The following CAT variants were observed in gnomAD, a reference collection of about 807,000 sequenced individuals.
CAT encodes epididymis secretory sperm binding protein.
A neutral mutation model predicts 59.0 loss-of-function variants in CAT; 43 were observed. The observed-to-expected ratio is 0.73, with a 90% CI of 0.57 to 0.94. The LOEUF (loss-of-function observed/expected upper bound fraction) is 0.94. Ranked by LOEUF, CAT falls within the 40% of genes least tolerant of loss-of-function variation. CAT has a pLI of 0.00. For missense variants in CAT, 664 were observed against 682.9 expected, an observed-to-expected ratio of 0.97 and a Z score of 0.31; for synonymous variants, 218 against 230.9, an observed-to-expected ratio of 0.94 and a Z score of 0.51.
intron 1 of CAT, among the ~76,000 whole-genome samples, chr11:34,442,582 C>A (rs1856404126): frequency 6.6e-6 from 1 of 152,102 alleles, no homozygotes; most frequent in Non-Finnish European, 1.5e-5. Context: ...GCCTGGGCAA[C>A]AAGAGTGAAA....
rs574208281 is a variant in CAT at position 34,453,920 on chromosome 11, T to C, written c.705T>C (p.His235=). Reference sequence around the variant, plus strand: ...GGGAGGCAGTTTATTGCAAATTCCATTATAAGGTATGTGTTACCTTTGGGG... The same window carrying C: ...GGGAGGCAGTTTATTGCAAATTCCACTATAAGGTATGTGTTACCTTTGGGG... ...ANGEAVYCKF[H]YKTDQGIKNL... The change falls in exon 6 of 13, where the codon CAT becomes CAC. Residue 235 remains histidine (H), a synonymous_variant. Transcript: ENST00000241052. 1.2e-6 allele frequency: 2 copies of C among 1,613,888 alleles called. No individual in the cohort carries two copies. Among genetic ancestry groups the C allele is most frequent in the Non-Finnish European group, 1.7e-6 (2 of 1,179,806 alleles).
intron 1 of CAT, among the ~76,000 whole-genome samples, chr11:34,442,104 A>G (rs547930698): frequency 1.4e-4 from 21 of 152,350 alleles, no homozygotes; most frequent in African/African-American, 5.0e-4. Flanking sequence ...CTGATGACTA[A>G]TGATGCAAAG....
intron 1 of CAT, among the ~76,000 whole-genome samples, chr11:34,444,614 C>A (rs1299650081): frequency 6.6e-6 from 1 of 152,182 alleles, no homozygotes; most frequent in African/African-American, 2.4e-5. Context: ...GAAAAGACGT[C>A]ATTATGACTC....
rs35677492 is a variant in CAT at position 34,471,409 on chromosome 11, G to T, written c.1560G>T (p.Ala520=). 6.2e-7 allele frequency: 1 copy of T among 1,613,930 alleles called. No individual in the cohort carries two copies. Among genetic ancestry groups the T allele is most frequent in the South Asian group, 1.1e-5 (1 of 91,068 alleles). Residue 520 remains alanine (A), a synonymous_variant, in exon 13 of 13, where the codon GCG becomes GCT. Coordinates refer to ENST00000241052, the MANE Select transcript of CAT (RefSeq NM_001752.4). ...HTFVQSGSHL[A]AREKANL is the part of the protein sequence containing the mutation. ...TTGTGCAGTCCGGATCTCACTTGGCGGCAAGGGAGAAGGCAAATCTGTGAG... is the reference window on the plus strand; with the variant it reads ...TTGTGCAGTCCGGATCTCACTTGGCTGCAAGGGAGAAGGCAAATCTGTGAG...
At chr11:34,468,416 G>C (rs1442737180) in intron 11 of CAT, 21 bp downstream of exon 11, 1 of 1,530,152 alleles carries the variant, frequency 6.5e-7, no homozygotes, top group East Asian at 2.2e-5. Flanking sequence ...GTAAGCTGAA[G>C]GGTGTCCTCT....
At position 34,471,638 on chromosome 11, in the gene CAT, T is replaced by A; in HGVS notation, c.*205T>A. On this transcript the variant is annotated 3_prime_UTR_variant, in exon 13 of 13. Coordinates refer to ENST00000241052, the MANE Select transcript of CAT (RefSeq NM_001752.4). ...TGAAGGTTAGGATTTAACAGTCATT[T>A]AAAAAAAAAATTTGTTTTGACGGAT... 3.7e-6 allele frequency: 2 copies of A among 547,100 alleles called. No individual in the cohort carries two copies. The highest frequency in any genetic ancestry group is 2.2e-5 in the South Asian group (1 of 46,074). The allele number at this position is 547,100 out of a possible 1,614,324, so 33.9% of individuals were successfully genotyped here.
chr11:34,447,620 G>C (rs998384801), intron 1 of CAT, among the ~76,000 whole-genome samples: 4 of 152,192 alleles, frequency 2.6e-5, no homozygotes, highest in African/African-American at 9.7e-5. Context: ...AGAGATGGTA[G>C]AGTGAGAGAG....
chr11:34,471,487 C>T lies in CAT; in HGVS notation c.*54C>T. The T allele has an allele frequency of 5.6e-6, 8 of 1,431,084 alleles. No homozygotes were observed. The highest frequency in any genetic ancestry group is 7.9e-6 in the Non-Finnish European group (8 of 1,013,036). The allele number at this position is 1,431,084 out of a possible 1,614,324, so 88.6% of individuals were successfully genotyped here. A position where few individuals can be genotyped will look rare whatever the true frequency, so the allele number is the denominator to read the frequency against. On this transcript the variant is annotated 3_prime_UTR_variant, in exon 13 of 13. Coordinates refer to ENST00000241052, the MANE Select transcript of CAT (RefSeq NM_001752.4). ...GCTTAGCGTTCATCCGTGTAACCCG[C>T]TCATCACTGGATGAAGATTCTCCTG... is the stretch of plus-strand genomic sequence containing the variant.
At chr11:34,461,697 C>T (rs748771501) in intron 9 of CAT, among the ~76,000 whole-genome samples, 44 of 152,202 alleles carry the variant, frequency 2.9e-4, no homozygotes, top group Non-Finnish European at 4.8e-4. Context: ...CAGTAACATC[C>T]AGCTTGGGAG....
At position 34,438,977 on chromosome 11, in the gene CAT, G is replaced by C; in HGVS notation, c.-37G>C. The C allele has an allele frequency of 1.9e-6, 3 of 1,551,742 alleles. No individual in the cohort carries two copies. The highest frequency in any genetic ancestry group is 1.2e-5 in the South Asian group (1 of 84,996). On this transcript the variant is annotated 5_prime_UTR_variant, in exon 1 of 13. Coordinates refer to ENST00000241052, the MANE Select transcript of CAT (RefSeq NM_001752.4). ...CTGAGGGTGGAGACCCACGAGCCGA[G>C]GCCTCCTGCAGTGTTCTGCACAGCA... is the stretch of plus-strand genomic sequence containing the variant.
intron 10 of CAT, among the ~76,000 whole-genome samples, chr11:34,465,329 A>G (rs1446023586): frequency 6.6e-6 from 1 of 152,234 alleles, no homozygotes; most frequent in East Asian, 1.9e-4. Flanking sequence ...ACGTATATAC[A>G]TATATACGTA....
At chr11:34,456,459 T>G (rs1156254949) in intron 7 of CAT, among the ~76,000 whole-genome samples, 1 of 152,260 alleles carries the variant, frequency 6.6e-6, no homozygotes, top group Admixed American at 6.5e-5. Context: ...AAAGCTGATG[T>G]ACTTTTTCCT....
chr11:34,471,364 A>G lies in CAT; in HGVS notation c.1519-4A>G, dbSNP rs1259836355. 1 of 1,613,720 alleles carries G rather than the reference A, an allele frequency of 6.2e-7. No homozygotes were observed. Among genetic ancestry groups the G allele is most frequent in the Non-Finnish European group, 8.5e-7 (1 of 1,179,594 alleles). Reference sequence around the variant, plus strand: ...AACCTGCTCATCTTGTTCTTTTAAAACAGAATGCGATTCACACCTTTGTGC... The same window carrying G: ...AACCTGCTCATCTTGTTCTTTTAAAGCAGAATGCGATTCACACCTTTGTGC... On this transcript the variant is annotated splice_polypyrimidine_tract_variant and splice_region_variant and intron_variant, in intron 12 of 12. Transcript: ENST00000241052.
intron 2 of CAT, among the ~76,000 whole-genome samples, 154 bp downstream of exon 2, chr11:34,449,517 A>G (rs1250409308): frequency 6.6e-6 from 1 of 152,252 alleles, no homozygotes; most frequent in African/African-American, 2.4e-5. Context: ...ATTAGTAAAT[A>G]AATGATGGTT....
At position 34,452,141 on chromosome 11, in the gene CAT, A is replaced by G. The variant is rs987019048; in HGVS notation, c.414A>G (p.Thr138=). The G allele has an allele frequency of 1.9e-6, 3 of 1,613,696 alleles. No homozygotes were observed. In the African/African-American group the frequency reaches 4.0e-5, roughly 22 times the overall value. Residue 138 remains threonine, a synonymous_variant, in exon 4 of 13, where the codon ACA becomes ACG. Coordinates refer to ENST00000241052, the MANE Select transcript of CAT (RefSeq NM_001752.4). ...DPRGFAVKFY[T]EDGNWDLVGN... is the part of the protein sequence containing the mutation. Reference sequence around the variant, plus strand: ...GTGGGTTTGCAGTGAAATTTTACACAGAAGATGGTAACTGGGATCTCGTTG... The same window carrying G: ...GTGGGTTTGCAGTGAAATTTTACACGGAAGATGGTAACTGGGATCTCGTTG...
intron 1 of CAT, among the ~76,000 whole-genome samples, chr11:34,448,573 A>G (rs1355062101): frequency 1.3e-5 from 2 of 152,238 alleles, no homozygotes; most frequent in South Asian, 2.1e-4. Context: ...ATCCCATTTC[A>G]GAGACATTTG....
intron 2 of CAT, among the ~76,000 whole-genome samples, chr11:34,450,213 C>G (rs1272000828): frequency 6.6e-6 from 1 of 152,182 alleles, no homozygotes. Flanking sequence ...GACACATGCA[C>G]TGCAATTGCA....
intron 9 of CAT, 143 bp downstream of exon 9, chr11:34,461,532 G>C: frequency 1.1e-6 from 1 of 881,354 alleles, no homozygotes; most frequent in South Asian, 1.4e-5. Context: ...TGCTAACTGG[G>C]CGCTTTTTTG....
intron 1 of CAT, among the ~76,000 whole-genome samples, chr11:34,445,044 T>G (rs1394696540): frequency 6.6e-6 from 1 of 152,166 alleles, no homozygotes; most frequent in Non-Finnish European, 1.5e-5. Context: ...TCCTGCTTGT[T>G]AGAAAGGCTC....
Sources: allele counts gnomAD v4.1 joint callset (sites outside exome capture counted in the v4.1 genomes callset), GRCh38; gene constraint gnomAD v4.1.1; transcripts MANE v1.5; gene names NCBI Gene and HGNC (gene_info 2026-07-23, HGNC 2026-07-21).